The following FHIT variants were observed in gnomAD, a reference collection of about 807,000 sequenced individuals.
FHIT encodes bis(5'-adenosyl)-triphosphatase.
Under a neutral mutation model 17.9 loss-of-function variants are expected in FHIT, and 19 were observed. The observed-to-expected ratio is 1.06, with a 90% confidence interval of 0.74 to 1.56. The LOEUF is 1.56. Among genes scored for constraint, FHIT ranks in the 40% most tolerant of loss-of-function variants. The pLI is 0.00. For synonymous variants in FHIT, 81 were observed against 69.7 expected (o/e 1.16, Z -0.81); for missense variants, 248 against 189.2 (o/e 1.31, Z -1.82).
chr3:59,789,531 C>A (rs1326315034), intron 8 of FHIT, among the ~76,000 whole-genome samples: 1 of 152,066 alleles, frequency 6.6e-6, no homozygotes, highest in Admixed American at 6.5e-5. Flanking sequence ...TAACTCATTG[C>A]CTTTTATTTT....
At chr3:60,624,995 G>T (rs139828968) in intron 4 of FHIT, among the ~76,000 whole-genome samples, 1 of 151,962 alleles carries the variant, frequency 6.6e-6, no homozygotes, top group Admixed American at 6.6e-5. Context: ...TGCAATCTCC[G>T]CCTCTCAGGC....
chr3:60,335,741 T>C (rs1710204867), intron 5 of FHIT, among the ~76,000 whole-genome samples: 1 of 152,112 alleles, frequency 6.6e-6, no homozygotes, highest in Non-Finnish European at 1.5e-5. Context: ...ATTAGATATA[T>C]TGGGTTGGAT....
chr3:60,606,179 T>A (rs1559575924), intron 4 of FHIT, among the ~76,000 whole-genome samples: 1 of 152,144 alleles, frequency 6.6e-6, no homozygotes, highest in African/African-American at 2.4e-5. Context: ...TAATGGATGT[T>A]TACTATAGCA....
intron 8 of FHIT, among the ~76,000 whole-genome samples, chr3:59,877,795 A>C (rs530659992): frequency 1.4e-4 from 22 of 152,366 alleles, no homozygotes; most frequent in Admixed American, 4.6e-4. Context: ...ACTAGCCATC[A>C]AAATGACAAA....
chr3:59,952,334 C>G (rs1340284837), intron 7 of FHIT, among the ~76,000 whole-genome samples: 1 of 152,178 alleles, frequency 6.6e-6, no homozygotes, highest in East Asian at 1.9e-4. Context: ...GCCATTGCAC[C>G]ACCAAAGCCA....
chr3:61,014,489 C>T (rs772127267), intron 3 of FHIT, among the ~76,000 whole-genome samples: 3 of 151,772 alleles, frequency 2.0e-5, no homozygotes, highest in East Asian at 1.9e-4. Context: ...AATATATATA[C>T]GTACATCCGG....
intron 4 of FHIT, among the ~76,000 whole-genome samples, chr3:60,710,365 G>A (rs997073335): frequency 6.6e-6 from 1 of 152,218 alleles, no homozygotes; most frequent in Non-Finnish European, 1.5e-5. Context: ...GGTGATTTCT[G>A]CATTTCCATC....
chr3:60,241,461 A>G (rs1175366047), intron 5 of FHIT, among the ~76,000 whole-genome samples: 1 of 152,096 alleles, frequency 6.6e-6, no homozygotes, highest in Non-Finnish European at 1.5e-5. Context: ...TGAAAAAAAT[A>G]TTTATTTACA....
intron 8 of FHIT, among the ~76,000 whole-genome samples, chr3:59,837,703 G>A (rs1701388538): frequency 1.3e-5 from 2 of 152,188 alleles, no homozygotes; most frequent in South Asian, 4.1e-4. Context: ...TCTATGAGGA[G>A]CACTATAGCA....
intron 5 of FHIT, among the ~76,000 whole-genome samples, chr3:60,415,015 G>C (rs6806175): frequency 0.053 from 8,125 of 151,930 alleles, 742 homozygotes; most frequent in African/African-American, 0.19. Flanking sequence ...GCCATCCTCA[G>C]AGTTTCTGAT....
intron 5 of FHIT, among the ~76,000 whole-genome samples, chr3:60,099,635 T>A (rs1211247268): frequency 1.3e-5 from 2 of 152,188 alleles, no homozygotes; most frequent in Admixed American, 1.3e-4. Flanking sequence ...CTCTGGAAGT[T>A]ATCTCACTGG....
intron 7 of FHIT, among the ~76,000 whole-genome samples, chr3:59,964,779 A>C (rs952517863): frequency 6.6e-6 from 1 of 152,116 alleles, no homozygotes; most frequent in Admixed American, 6.5e-5. Flanking sequence ...AACAGAAAAA[A>C]GCAAGTTGTA....
intron 5 of FHIT, among the ~76,000 whole-genome samples, chr3:60,204,427 GC>G (rs1210566360): frequency 6.9e-5 from 10 of 143,936 alleles, no homozygotes; most frequent in Admixed American, 2.9e-4. Flanking sequence ...GCATCACCAT[GC>G]CCAGCTAATA....
At chr3:61,234,155 G>T (rs138699777) in intron 1 of FHIT, among the ~76,000 whole-genome samples, 1 of 152,254 alleles carries the variant, frequency 6.6e-6, no homozygotes, top group East Asian at 1.9e-4. Context: ...AAGCTCCTGG[G>T]AAGTAGAGCC....
chr3:60,532,062 C>T (rs1180172513), intron 5 of FHIT, among the ~76,000 whole-genome samples: 1 of 152,172 alleles, frequency 6.6e-6, no homozygotes, highest in Non-Finnish European at 1.5e-5. Context: ...GCCCTGGTAA[C>T]ATTCTGCGTG....
intron 5 of FHIT, among the ~76,000 whole-genome samples, chr3:60,017,966 C>T (rs1700407899): frequency 6.6e-6 from 1 of 152,150 alleles, no homozygotes; most frequent in Admixed American, 6.5e-5. Flanking sequence ...AGTCTATTTC[C>T]CCTCCCCTTG....
intron 4 of FHIT, among the ~76,000 whole-genome samples, chr3:60,795,508 G>GT (rs201826426): frequency 0.43 from 62,064 of 142,802 alleles, 13,937 homozygotes; most frequent in African/African-American, 0.55. Flanking sequence ...TTTGTTTTTT[G>GT]TTTTTTTTTT....
intron 3 of FHIT, among the ~76,000 whole-genome samples, chr3:60,904,518 T>A (rs1706294763): frequency 6.6e-6 from 1 of 150,632 alleles, no homozygotes; most frequent in Non-Finnish European, 1.5e-5. Flanking sequence ...AGAATTTCAA[T>A]TACCTGAAAT....
intron 3 of FHIT, among the ~76,000 whole-genome samples, chr3:60,899,725 C>T (rs925220161): frequency 6.6e-6 from 1 of 152,086 alleles, no homozygotes; most frequent in Non-Finnish European, 1.5e-5. Context: ...AAAACCCAGC[C>T]GGTGATTATC....
Sources: gnomAD v4.1 joint callset for allele counts (sites outside exome capture counted in the v4.1 genomes callset) on GRCh38, gnomAD v4.1.1 for gene constraint, MANE v1.5 for transcripts, NCBI Gene and HGNC (gene_info 2026-07-23, HGNC 2026-07-21) for gene names.